SLC35F3: variants seen among roughly 807,000 people sequenced by gnomAD.
SLC35F3 encodes the protein solute carrier family 35 member F3.
Under a neutral mutation model 49.9 loss-of-function variants are expected in SLC35F3, and 25 were observed. That is an observed-to-expected ratio of 0.50 (90% CI 0.37 to 0.70). The LOEUF is 0.70. Ranked by LOEUF, SLC35F3 falls within the 30% of genes least tolerant of loss-of-function variation. The pLI is 0.00. For synonymous variants in SLC35F3, 275 were observed against 265.4 expected (o/e 1.04, Z -0.35); for missense variants, 525 against 639.8 (o/e 0.82, Z 1.94).
rs147645463 is a variant in SLC35F3 at position 234,316,626 on chromosome 1, G to A, written c.853G>A (p.Ala285Thr). ...GATTGTGGCCGCCATCCTCGCCATC[G>A]CTGGCATTGTGATGATGACCTACGC... ...VRIVAAILAI[A>T]GIVMMTYADG... Residue 285 changes from alanine to threonine, a missense_variant, in exon 5 of 8, where the codon GCT becomes ACT. Transcript: ENST00000366618. The A allele has an allele frequency of 6.2e-6, 10 of 1,610,030 alleles. No homozygotes were observed. Among genetic ancestry groups the A allele is most frequent in the South Asian group, 2.2e-5 (2 of 90,930 alleles).
At chr1:234,174,178 G>A (rs1666442780) in intron 2 of SLC35F3, among the ~76,000 whole-genome samples, 1 of 152,214 alleles carries the variant, frequency 6.6e-6, no homozygotes, top group Admixed American at 6.5e-5. Flanking sequence ...CCACTTCATG[G>A]CAACTCTGTG....
At chr1:234,283,096 G>C (rs1668355680) in intron 3 of SLC35F3, among the ~76,000 whole-genome samples, 1 of 152,154 alleles carries the variant, frequency 6.6e-6, no homozygotes, top group African/African-American at 2.4e-5. Flanking sequence ...CACATGAGTA[G>C]CATCAGGGCC....
chr1:233,996,327 A>C (rs1034308406), intron 2 of SLC35F3, among the ~76,000 whole-genome samples: 1 of 152,186 alleles, frequency 6.6e-6, no homozygotes. Context: ...GGTTATATGC[A>C]AACACCATGC....
intron 2 of SLC35F3, among the ~76,000 whole-genome samples, chr1:233,998,645 G>A (rs1397771503): frequency 6.6e-6 from 1 of 151,820 alleles, no homozygotes; most frequent in Non-Finnish European, 1.5e-5. Flanking sequence ...CAACTCAGTA[G>A]ACACTAGTCA....
chr1:234,234,325 T>C (rs998886547), intron 3 of SLC35F3, among the ~76,000 whole-genome samples: 2 of 152,090 alleles, frequency 1.3e-5, no homozygotes, highest in African/African-American at 2.4e-5. Context: ...TGGAAGCTTC[T>C]TTTCTCTAAA....
chr1:234,006,016 C>G (rs2102834975), intron 2 of SLC35F3, among the ~76,000 whole-genome samples: 1 of 152,198 alleles, frequency 6.6e-6, no homozygotes, highest in South Asian at 2.1e-4. Flanking sequence ...TGATATATTC[C>G]AGGATGATGC....
At chr1:234,291,788 A>C (rs594349) in intron 3 of SLC35F3, among the ~76,000 whole-genome samples, 101,723 of 152,058 alleles carry the variant, frequency 0.67, 34,237 homozygotes, top group Non-Finnish European at 0.69. Flanking sequence ...TAATTAGGGT[A>C]ATCTTGCCTT....
chr1:234,209,623 C>A (rs1413294666), intron 2 of SLC35F3, among the ~76,000 whole-genome samples: 1 of 151,948 alleles, frequency 6.6e-6, no homozygotes, highest in Non-Finnish European at 1.5e-5. Context: ...CAGGATAGGG[C>A]AGGGCAGCTG....
chr1:234,128,240 T>C (rs1665678264), intron 2 of SLC35F3, among the ~76,000 whole-genome samples: 1 of 135,046 alleles, frequency 7.4e-6, no homozygotes, highest in African/African-American at 2.6e-5. Flanking sequence ...GTCTGGGGCA[T>C]GTTTTGATTT....
At chr1:234,123,068 A>G (rs763098626) in intron 2 of SLC35F3, among the ~76,000 whole-genome samples, 4 of 152,168 alleles carry the variant, frequency 2.6e-5, no homozygotes, top group Non-Finnish European at 4.4e-5. Flanking sequence ...TGGTTGAACT[A>G]ATTTGTACTC....
intron 3 of SLC35F3, among the ~76,000 whole-genome samples, chr1:234,264,833 A>G (rs1174605542): frequency 2.6e-5 from 4 of 152,170 alleles, no homozygotes; most frequent in African/African-American, 9.7e-5. Context: ...GACTACAGGC[A>G]TGCTCCTCCA....
intron 2 of SLC35F3, among the ~76,000 whole-genome samples, chr1:233,977,252 T>C (rs1279199912): frequency 2.6e-5 from 4 of 152,260 alleles, no homozygotes; most frequent in Non-Finnish European, 5.9e-5. Context: ...TTCTTTTCTC[T>C]TCCTGCGATA....
At chr1:233,949,522 A>G in intron 2 of SLC35F3, among the ~76,000 whole-genome samples, 1 of 152,224 alleles carries the variant, frequency 6.6e-6, no homozygotes, top group East Asian at 1.9e-4. Context: ...ATTAACCAAA[A>G]GTCAGTTCTG....
chr1:233,918,808 C>G (rs1270382465), intron 2 of SLC35F3, among the ~76,000 whole-genome samples: 17 of 47,636 alleles, frequency 3.6e-4, no homozygotes, highest in East Asian at 1.3e-3. Flanking sequence ...TTCTCTCTCT[C>G]TCTCTCTCTA....
At chr1:234,066,830 CCACACACACACACACACACACACA>C (rs61401819) in intron 2 of SLC35F3, among the ~76,000 whole-genome samples, 10 of 135,120 alleles carry the variant, frequency 7.4e-5, no homozygotes, top group Admixed American at 1.5e-4. Context: ...CCTCTCTCTC[CCACACACACACACACACACACACA>C]CACACACACA....
At chr1:234,208,225 A>C (rs1020428276) in intron 2 of SLC35F3, among the ~76,000 whole-genome samples, 10 of 152,206 alleles carry the variant, frequency 6.6e-5, no homozygotes, top group African/African-American at 2.4e-4. Context: ...GGGAATCATA[A>C]GTATCACTTA....
intron 3 of SLC35F3, among the ~76,000 whole-genome samples, chr1:234,251,377 C>T (rs949830169): frequency 7.3e-5 from 11 of 151,438 alleles, no homozygotes; most frequent in African/African-American, 2.7e-4. Context: ...TTGAGTTTGA[C>T]CCTTTCGCCC....
intron 3 of SLC35F3, among the ~76,000 whole-genome samples, chr1:234,286,488 C>A (rs1368345440): frequency 6.6e-6 from 1 of 152,148 alleles, no homozygotes; most frequent in Admixed American, 6.5e-5. Flanking sequence ...ATACAGCCAC[C>A]CAAAAATCTG....
At chr1:234,213,878 C>T (rs886667941) in intron 2 of SLC35F3, 1 of 152,358 alleles carries the variant, frequency 6.6e-6, no homozygotes, top group Non-Finnish European at 1.5e-5. Context: ...TGCCTCTAGA[C>T]TCAAGAAGTG....
Sources: allele counts gnomAD v4.1 joint callset (sites outside exome capture counted in the v4.1 genomes callset), GRCh38; gene constraint gnomAD v4.1.1; transcripts MANE v1.5; gene names NCBI Gene and HGNC (gene_info 2026-07-23, HGNC 2026-07-21).